The following DTHD1 variants were observed in gnomAD, a reference collection of about 807,000 sequenced individuals.
The protein encoded by DTHD1 is death domain-containing protein 1.
Under a neutral mutation model 74.8 loss-of-function variants are expected in DTHD1, and 59 were observed. That is an observed-to-expected ratio of 0.79 (90% CI 0.64 to 0.98). The LOEUF is 0.98. Among genes scored for constraint, DTHD1 ranks in the 50% least tolerant of loss-of-function variants. The pLI, the probability that DTHD1 is intolerant of heterozygous loss-of-function variation, is 0.00. For synonymous variants in DTHD1, 365 were observed against 371.1 expected (o/e 0.98, Z 0.19); for missense variants, 1,051 against 1,065.4 (o/e 0.99, Z 0.19).
chr4:36,336,235 A>G (rs1759003243), intron 8 of DTHD1, among the ~76,000 whole-genome samples: 1 of 152,206 alleles, frequency 6.6e-6, no homozygotes, highest in Admixed American at 6.5e-5. Context: ...AGTGGCATAT[A>G]AGATATCATA....
chr4:36,334,988 A>G (rs1440589939), intron 8 of DTHD1, among the ~76,000 whole-genome samples: 1 of 152,260 alleles, frequency 6.6e-6, no homozygotes, highest in African/African-American at 2.4e-5. Flanking sequence ...AGAAGAGGGC[A>G]CAATAAATCA....
chr4:36,325,405 GA>G (rs2109542920), intron 8 of DTHD1, among the ~76,000 whole-genome samples: 1 of 152,274 alleles, frequency 6.6e-6, no homozygotes, highest in Non-Finnish European at 1.5e-5. Context: ...AAAGCCATTG[GA>G]AAATTTTAAC....
intron 8 of DTHD1, among the ~76,000 whole-genome samples, chr4:36,324,406 G>A (rs1340620073): frequency 6.6e-6 from 1 of 152,164 alleles, no homozygotes; most frequent in African/African-American, 2.4e-5. Context: ...TACAAAGGAA[G>A]CACAGATATT....
chr4:36,308,576 TA>T, intron 7 of DTHD1, 83 bp downstream of exon 7: 1 of 1,126,444 alleles, frequency 8.9e-7, no homozygotes, highest in Non-Finnish European at 1.2e-6. Context: ...CTTGTGTTAC[TA>T]AGGAAACCTT....
intron 5 of DTHD1, among the ~76,000 whole-genome samples, chr4:36,298,225 C>T (rs1756560447): frequency 6.6e-6 from 1 of 152,030 alleles, no homozygotes; most frequent in South Asian, 2.1e-4. Flanking sequence ...CAACCCCATC[C>T]TTTGTACACA....
At chr4:36,337,169 G>T (rs1032315599) in intron 8 of DTHD1, among the ~76,000 whole-genome samples, 1 of 152,090 alleles carries the variant, frequency 6.6e-6, no homozygotes, top group Non-Finnish European at 1.5e-5. Flanking sequence ...TGCAAAAAAG[G>T]CTTGGGGGCA....
At chr4:36,332,983 T>C (rs1758785448) in intron 8 of DTHD1, among the ~76,000 whole-genome samples, 1 of 152,158 alleles carries the variant, frequency 6.6e-6, no homozygotes, top group Non-Finnish European at 1.5e-5. Context: ...GAGGTGTTTC[T>C]GGGGTAAGAA....
intron 5 of DTHD1, among the ~76,000 whole-genome samples, chr4:36,300,460 T>C (rs908644062): frequency 2.6e-5 from 4 of 152,198 alleles, no homozygotes; most frequent in Admixed American, 1.3e-4. Context: ...AGTAATCCCC[T>C]CATTCCTGCC....
intron 4 of DTHD1, among the ~76,000 whole-genome samples, chr4:36,293,922 G>T (rs1331922247): frequency 2.0e-5 from 3 of 152,014 alleles, no homozygotes; most frequent in African/African-American, 7.2e-5. Context: ...TTATTCGAAA[G>T]ATTTTCCCAG....
chr4:36,308,521 T>C (rs1288221258), intron 7 of DTHD1, 28 bp downstream of exon 7: 10 of 1,509,104 alleles, frequency 6.6e-6, no homozygotes, highest in Non-Finnish European at 8.9e-6. Flanking sequence ...TTTTTATATA[T>C]TTTATTGGCT....
intron 8 of DTHD1, among the ~76,000 whole-genome samples, chr4:36,319,217 A>G (rs1040483159): frequency 1.3e-5 from 2 of 152,204 alleles, no homozygotes; most frequent in East Asian, 1.9e-4. Flanking sequence ...GACCCTGTCT[A>G]TTCTATCCAG....
rs1351954822 is a variant in DTHD1 at position 36,284,200 on chromosome 4, G to A, written c.496G>A (p.Gly166Arg). The A allele has an allele frequency of 6.5e-7, 1 of 1,537,176 alleles. No homozygotes were observed. Among genetic ancestry groups the A allele is most frequent in the South Asian group, 1.2e-5 (1 of 84,062 alleles). Residue 166 changes from glycine to arginine, a missense_variant, in exon 2 of 10, where the codon GGA becomes AGA. Coordinates refer to ENST00000639862, the MANE Select transcript of DTHD1 (RefSeq NM_001170700.3). ...AACAGCTACTGTTTCTCCCACAAATGGAGAGGAAAGTCATTACACAAACCA... is the reference window on the plus strand; with the variant it reads ...AACAGCTACTGTTTCTCCCACAAATAGAGAGGAAAGTCATTACACAAACCA... Reference protein sequence around the residue: ...IETATVSPTNGEESHYTNQVQ... With the variant: ...IETATVSPTNREESHYTNQVQ...
intron 9 of DTHD1, among the ~76,000 whole-genome samples, chr4:36,339,478 T>C (rs1012470184): frequency 9.2e-5 from 14 of 152,234 alleles, no homozygotes; most frequent in African/African-American, 3.4e-4. Context: ...TACTTTGAGC[T>C]GAAATGTTGA....
chr4:36,293,248 T>C (rs569501637), intron 3 of DTHD1, among the ~76,000 whole-genome samples: 1 of 149,082 alleles, frequency 6.7e-6, no homozygotes, highest in Non-Finnish European at 1.5e-5. Flanking sequence ...CTGAAAATAA[T>C]TGCCCATTAT....
chr4:36,283,968 GTGTGTA>G lies in DTHD1; in HGVS notation c.272-7_272-2del. ...TTATTCTTTGTGTGTCCATGTATGT[GTGTGTA>G]GAAATCATTACTTTCATAGACTGCC... On this transcript the variant is annotated splice_acceptor_variant and splice_polypyrimidine_tract_variant and intron_variant, in intron 1 of 9. Transcript: ENST00000639862. LOFTEE classifies it high-confidence loss of function. 2 of 1,500,210 alleles carry G rather than the reference GTGTGTA, an allele frequency of 1.3e-6. No homozygotes were observed. 92.9% of individuals were successfully genotyped at this position (1,500,210 alleles called of 1,614,324 possible).
chr4:36,323,297 C>T (rs2109537956), intron 8 of DTHD1, among the ~76,000 whole-genome samples: 1 of 152,254 alleles, frequency 6.6e-6, no homozygotes, highest in Non-Finnish European at 1.5e-5. Context: ...AGGCAGATGG[C>T]AGTGCAAGAA....
intron 8 of DTHD1, chr4:36,332,706 A>T (rs943546793): frequency 5.9e-5 from 9 of 152,242 alleles, no homozygotes; most frequent in Non-Finnish European, 1.3e-4. Flanking sequence ...GTCAGAGACT[A>T]GTGTGGTTAG....
At position 36,346,974 on chromosome 4, in the gene DTHD1, G is replaced by C. The variant is rs1759619992; in HGVS notation, c.*3150G>C. ...CCTGCTCTCCCCTTTTTAAAATAAA[G>C]CCTCCTTTTATTATTCTAATTTGAG... On this transcript the variant is annotated 3_prime_UTR_variant, in exon 10 of 10. Transcript: ENST00000639862. Among the ~76,000 whole-genome samples the C allele has an allele frequency of 6.6e-6, 1 of 151,966 alleles. No homozygotes were observed. The highest frequency in any genetic ancestry group is 6.6e-5 in the Admixed American group (1 of 15,238).
intron 5 of DTHD1, among the ~76,000 whole-genome samples, chr4:36,302,081 A>G (rs1053009526): frequency 9.2e-5 from 14 of 152,176 alleles, no homozygotes; most frequent in African/African-American, 2.9e-4. Flanking sequence ...CGGGAGCTCA[A>G]GCTCAGGGTG....
Sources: allele counts gnomAD v4.1 joint callset (sites outside exome capture counted in the v4.1 genomes callset), GRCh38; gene constraint gnomAD v4.1.1; transcripts MANE v1.5; gene names NCBI Gene and HGNC (gene_info 2026-07-23, HGNC 2026-07-21).